Variants in CFAP74 observed in about 807,000 individuals in gnomAD.
The protein encoded by CFAP74 is cilia and flagella associated protein 74, also known as cilia- and flagella-associated protein 74.
In CFAP74, 124 loss-of-function variants were observed where a neutral mutation model predicts 188.9. The observed-to-expected ratio is 0.66, with a 90% CI of 0.57 to 0.76. The LOEUF is 0.76. Ranked by LOEUF, CFAP74 falls within the 30% of genes least tolerant of loss-of-function variation. The pLI, the probability that CFAP74 is intolerant of heterozygous loss-of-function variation, is 0.00. For synonymous variants in CFAP74, 956 were observed against 916.7 expected (o/e 1.04, Z -0.77); for missense variants, 2,198 against 2,165.2 (o/e 1.02, Z -0.30).
At chr1:1,966,994 A>G (rs996066897) in intron 11 of CFAP74, among the ~76,000 whole-genome samples, 56 of 151,832 alleles carry the variant, frequency 3.7e-4, no homozygotes, top group African/African-American at 1.3e-3. Flanking sequence ...CCGCCACCAC[A>G]CCCAGCTAAT....
At position 1,972,788 on chromosome 1, in the gene CFAP74, G is replaced by C; in HGVS notation, c.785+149C>G. The C allele has an allele frequency of 6.0e-6, 4 of 663,480 alleles. No individual in the cohort carries two copies. The South Asian group carries it at 6.6e-5, about 11-fold the overall frequency. The allele number at this position is 663,480 out of a possible 1,614,324, so 41.1% of individuals were successfully genotyped here. ...TTGAACCCGGGAGGCGGAGCAGTGA[G>C]CCGAGATCGCGCCACGGCACCCCAG... On this transcript the variant is annotated intron_variant, in intron 8 of 38. Coordinates refer to ENST00000682832, the MANE Select transcript of CFAP74 (RefSeq NM_001304360.2).
rs116225901 is a variant in CFAP74 at position 1,958,114 on chromosome 1, G to A, written c.1851+1006C>T. On this transcript the variant is annotated intron_variant, in intron 16 of 38. Coordinates refer to ENST00000682832, the MANE Select transcript of CFAP74 (RefSeq NM_001304360.2). ...TCCCAACCCCTCTCCACGGCGACACGCGGTGAAGGAGGAAGCACGCGACAG... is the reference window on the plus strand; with the variant it reads ...TCCCAACCCCTCTCCACGGCGACACACGGTGAAGGAGGAAGCACGCGACAG... Among the ~76,000 whole-genome samples the A allele has an allele frequency of 7.6e-3, 1,154 of 152,326 alleles. 23 individuals are homozygous for A. Among genetic ancestry groups the A allele is most frequent in the African/African-American group, 0.026 (1,068 of 41,558 alleles).
At chr1:1,922,899 G>C (rs1651497969) in intron 37 of CFAP74, 86 bp downstream of exon 37, 2 of 1,502,816 alleles carry the variant, frequency 1.3e-6, no homozygotes, top group Non-Finnish European at 1.8e-6. Flanking sequence ...GCCCAGTGAG[G>C]GGCAAGGCCA....
rs553653561 is a variant in CFAP74 at position 1,968,244 on chromosome 1, G to A, written c.1245+391C>T. ...TATCAGGAGTGCTTTGTAGCAGGGT[G>A]ATCCCAGGCATGTGGTCTGAACGGC... On this transcript the variant is annotated intron_variant, in intron 11 of 38. Coordinates refer to ENST00000682832, the MANE Select transcript of CFAP74 (RefSeq NM_001304360.2). This position sits in a 1 kb window ranked among gnomAD's most constrained non-coding sequence, Gnocchi z 4.3. Among the ~76,000 whole-genome samples the A allele has an allele frequency of 6.6e-6, 1 of 152,328 alleles. No homozygotes were observed. The highest frequency in any genetic ancestry group is 1.5e-5 in the Non-Finnish European group (1 of 68,024).
In CFAP74 at chr1:1,972,932, C is replaced by T. The variant is rs1341429913; in HGVS notation, c.785+5G>A. Reference sequence around the variant, plus strand: ...CTCCTTAAGGACGTCGAAGGGAGGCCCTACCTTCCCAGGGAGGCCTTCAGG... The same window carrying T: ...CTCCTTAAGGACGTCGAAGGGAGGCTCTACCTTCCCAGGGAGGCCTTCAGG... On this transcript the variant is annotated splice_donor_5th_base_variant and intron_variant, in intron 8 of 38. Coordinates refer to ENST00000682832, the MANE Select transcript of CFAP74 (RefSeq NM_001304360.2). The T allele has an allele frequency of 1.9e-6, 3 of 1,604,724 alleles. No individual in the cohort carries two copies. The highest frequency in any genetic ancestry group is 2.6e-6 in the Non-Finnish European group (3 of 1,171,840).
rs200938710 is a variant in CFAP74, at chr1:1,972,042, C to T, written c.826G>A (p.Glu276Lys). 8.2e-5 allele frequency: 133 copies of T among 1,613,042 alleles called. No individual in the cohort carries two copies. Among genetic ancestry groups the T allele is most frequent in the East Asian group, 6.0e-4 (27 of 44,888 alleles). Reference protein sequence around the residue: ...QEKKEEMECHEYMRRRMDAVV... With the variant: ...QEKKEEMECHKYMRRRMDAVV... ...GCATCCATGCGTCGCCTCATGTACT[C>T]GTGGCACTCCATCTCCTCCTTCTTC... The change falls in exon 9 of 39, where the codon GAG (glutamate) becomes AAG (lysine). Residue 276 changes from glutamate to lysine, a missense_variant. Glu to Lys is a moderately conservative substitution (Grantham distance 56, BLOSUM62 1). Transcript: ENST00000682832.
chr1:1,922,508 C>T (rs1356201686), intron 38 of CFAP74, 81 bp downstream of exon 38: 2 of 1,568,092 alleles, frequency 1.3e-6, no homozygotes, highest in Non-Finnish European at 1.7e-6. Context: ...CACCTCCTCC[C>T]CTGGGACTGG....
chr1:1,973,042 G>C lies in CFAP74; in HGVS notation c.680C>G (p.Ser227Cys). The C allele has an allele frequency of 1.2e-6, 2 of 1,612,914 alleles. No homozygotes were observed. The highest frequency in any genetic ancestry group is 2.7e-5 in the African/African-American group (2 of 75,020). ...CCCGAGCTCCTTCTGGGTGTTCAGGGACTTCCTGTGGGGATATGGGGCCGT... is the reference window on the plus strand; with the variant it reads ...CCCGAGCTCCTTCTGGGTGTTCAGGCACTTCCTGTGGGGATATGGGGCCGT... Reference protein sequence around the residue: ...ERNRLLRIRKSLNTQKELGLR... With the variant: ...ERNRLLRIRKCLNTQKELGLR... The change falls in exon 8 of 39, where the codon TCC (serine) becomes TGC (cysteine). Residue 227 changes from serine to cysteine, a missense_variant. Coordinates refer to ENST00000682832, the MANE Select transcript of CFAP74 (RefSeq NM_001304360.2). This position sits in a 1 kb window ranked among gnomAD's most constrained non-coding sequence, Gnocchi z 6.2.
intron 9 of CFAP74, among the ~76,000 whole-genome samples, chr1:1,971,242 T>C (rs111203467): frequency 9.3e-4 from 129 of 139,082 alleles, no homozygotes; most frequent in African/African-American, 3.0e-3. Context: ...TGCACACACA[T>C]GCACACACTC....
intron 21 of CFAP74, among the ~76,000 whole-genome samples, chr1:1,943,882 C>G (rs1039572444): frequency 1.3e-5 from 2 of 152,232 alleles, no homozygotes; most frequent in Non-Finnish European, 2.9e-5. Context: ...TTCTCCTCTC[C>G]TTTCACAGCC....
chr1:1,928,984 G>C, intron 26 of CFAP74, 102 bp from the exon 27 acceptor site: 1 of 707,502 alleles, frequency 1.4e-6, no homozygotes, highest in Non-Finnish European at 2.4e-6. Flanking sequence ...CTCCCCTCAA[G>C]GTCACCTCCC....
At chr1:1,976,671 T>C (rs901400173) in intron 6 of CFAP74, among the ~76,000 whole-genome samples, 1 of 152,190 alleles carries the variant, frequency 6.6e-6, no homozygotes, top group Non-Finnish European at 1.5e-5. Flanking sequence ...GCCTCTTGAA[T>C]AGCTGGGATT....
chr1:1,988,936 T>C lies in CFAP74; in HGVS notation c.105A>G (p.Lys35=). 6.3e-7 allele frequency: 1 copy of C among 1,581,606 alleles called. No homozygotes were observed. The highest frequency in any genetic ancestry group is 8.6e-7 in the Non-Finnish European group (1 of 1,162,190). Residue 35 remains lysine (K), a synonymous_variant, in exon 3 of 39, where the codon AAA becomes AAG. Coordinates refer to ENST00000682832, the MANE Select transcript of CFAP74 (RefSeq NM_001304360.2). ...DELEDPEFDI[K]CLLQEAEDDV... ...CATCCTCAGCTTCCTGTAGAAGACA[T>C]TTGATGTCAAACTCCGGATCCTCTA...
chr1:1,966,591 G>A (rs1387081367), intron 11 of CFAP74, 65 bp from the exon 12 acceptor site: 14 of 1,361,286 alleles, frequency 1.0e-5, no homozygotes, highest in African/African-American at 1.5e-5. Flanking sequence ...AGAGAAACTC[G>A]GCCCAGCCCC....
chr1:1,926,360 G>C lies in CFAP74; in HGVS notation c.3829-13C>G, dbSNP rs981199194. 1 of 1,549,178 alleles carries C rather than the reference G, an allele frequency of 6.5e-7. No homozygotes were observed. On this transcript the variant is annotated splice_polypyrimidine_tract_variant and intron_variant, in intron 31 of 38. Transcript: ENST00000682832. ...GGGAGAAGTCCAGCTGAGGGTCCAC[G>C]TCAAGGAGGGGATACAGGTGTCTGC...
intron 15 of CFAP74, 49 bp from the exon 16 acceptor site, chr1:1,959,258 G>A (rs1321838180): frequency 5.3e-6 from 7 of 1,331,544 alleles, no homozygotes; most frequent in South Asian, 1.2e-5. Context: ...CAACTTTTGT[G>A]TGTTTTGTTT....
chr1:1,977,590 C>A (rs553427553), intron 6 of CFAP74, among the ~76,000 whole-genome samples: 2 of 152,158 alleles, frequency 1.3e-5, no homozygotes, highest in Non-Finnish European at 2.9e-5. Flanking sequence ...CACAGCAGGA[C>A]GTGGGGGAAG....
intron 10 of CFAP74, among the ~76,000 whole-genome samples, chr1:1,969,616 C>G (rs560828226): frequency 6.6e-6 from 1 of 152,372 alleles, no homozygotes; most frequent in South Asian, 2.1e-4. Context: ...TTCATCCACT[C>G]ACTGCAGCTG....
chr1:2,000,751 A>G (rs773488584), intron 1 of CFAP74, among the ~76,000 whole-genome samples: 6 of 152,154 alleles, frequency 3.9e-5, no homozygotes, highest in Non-Finnish European at 8.8e-5. Context: ...CGGTCATACC[A>G]GATGAGGCAC....
Sources: allele counts gnomAD v4.1 joint callset (sites outside exome capture counted in the v4.1 genomes callset), GRCh38; gene constraint gnomAD v4.1.1; non-coding constraint Gnocchi (gnomAD v3.1); transcripts MANE v1.5; gene names NCBI Gene and HGNC (gene_info 2026-07-23, HGNC 2026-07-21).